The following CCDC12 variants were observed in gnomAD, a reference collection of about 807,000 sequenced individuals.
The protein encoded by CCDC12 is coiled-coil domain containing 12.
Under a neutral mutation model 25.7 loss-of-function variants are expected in CCDC12, and 28 were observed. The ratio of observed to expected loss-of-function variants is 1.09; its 90% confidence interval spans 0.81 to 1.50. The LOEUF is 1.50. Ranked by LOEUF, CCDC12 falls within the 40% of genes most tolerant of loss-of-function variation. The pLI, the probability that CCDC12 is intolerant of heterozygous loss-of-function variation, is 0.00. For missense variants in CCDC12, 198 were observed against 210.0 expected (o/e 0.94, Z 0.35); for synonymous variants, 75 against 87.7 (o/e 0.86, Z 0.81).
At chr3:46,962,777 G>A (rs2034502181) in intron 1 of CCDC12, among the ~76,000 whole-genome samples, 1 of 152,204 alleles carries the variant, frequency 6.6e-6, no homozygotes, top group Non-Finnish European at 1.5e-5. Context: ...TGGTCAGAGT[G>A]CAAAATAGTA....
chr3:46,960,741 A>G (rs139035492), intron 1 of CCDC12, among the ~76,000 whole-genome samples: 1,647 of 152,358 alleles, frequency 0.011, 28 homozygotes, highest in African/African-American at 0.036. Context: ...AGGGCCAGGC[A>G]TGACTGAGCC....
chr3:46,977,826 G>T (rs369925148), upstream of CCDC12, among the ~76,000 whole-genome samples: 5 of 152,204 alleles, frequency 3.3e-5, no homozygotes, highest in Non-Finnish European at 5.9e-5. Context: ...AAAGACTTGG[G>T]GTGGCCTCGA....
rs2032731824 is a variant in CCDC12, at chr3:46,922,570, G to A, written c.342-258C>T. 3 of 554,422 alleles carry A rather than the reference G, an allele frequency of 5.4e-6. No homozygotes were observed. In the East Asian group the frequency reaches 9.3e-5, roughly 17 times the overall value. 34.3% of individuals were successfully genotyped at this position (554,422 alleles called of 1,614,324 possible). ...CAAGGGACTGAGCTAAGGCAAAGGT[G>A]GATGGTTTCTCAGAGACCCTCTCTT... On this transcript the variant is annotated intron_variant, in intron 5 of 6. Transcript: ENST00000683445.
chr3:46,955,215 T>TC (rs1455822534), intron 1 of CCDC12, among the ~76,000 whole-genome samples: 2 of 15,140 alleles, frequency 1.3e-4, no homozygotes, highest in Non-Finnish European at 3.3e-3. Context: ...GGCAAGTCTG[T>TC]TTTTCCTGAG....
chr3:46,924,655 C>T (rs1389443676), intron 3 of CCDC12, among the ~76,000 whole-genome samples: 1 of 152,108 alleles, frequency 6.6e-6, no homozygotes, highest in Admixed American at 6.5e-5. Context: ...CAAGACCAGC[C>T]TGGCCGACAT....
intron 1 of CCDC12, among the ~76,000 whole-genome samples, chr3:46,953,539 A>G (rs750868609): frequency 3.3e-5 from 5 of 152,100 alleles, no homozygotes; most frequent in Admixed American, 1.3e-4. Flanking sequence ...CTCATACCCT[A>G]AACAGATTCT....
intron 2 of CCDC12, among the ~76,000 whole-genome samples, chr3:46,926,500 T>A (rs992135320): frequency 2.5e-4 from 38 of 152,294 alleles, no homozygotes; most frequent in African/African-American, 8.9e-4. Flanking sequence ...CCTGCCTCAG[T>A]CTTTTCAGGC....
chr3:46,938,565 A>G (rs1319544992), intron 2 of CCDC12, among the ~76,000 whole-genome samples: 1 of 122,190 alleles, frequency 8.2e-6, no homozygotes, highest in Non-Finnish European at 1.6e-5. Flanking sequence ...ATCACACATC[A>G]TTGGCCAGGT....
At chr3:46,973,294 A>G (rs2034861687) in intron 1 of CCDC12, among the ~76,000 whole-genome samples, 1 of 149,966 alleles carries the variant, frequency 6.7e-6, no homozygotes, top group Non-Finnish European at 1.5e-5. Context: ...TGGAAGTTGC[A>G]GTGAGCTGAG....
intron 2 of CCDC12, among the ~76,000 whole-genome samples, chr3:46,938,426 G>C (rs1483185133): frequency 1.3e-5 from 2 of 151,292 alleles, no homozygotes; most frequent in African/African-American, 4.9e-5. Flanking sequence ...ACACAGAAAA[G>C]TCCGGAGAAT....
Position 46,935,066 on chromosome 3 carries a change from G to A in CCDC12, c.164+5932C>T, listed in dbSNP as rs9878574. Among the ~76,000 whole-genome samples, 691 of 152,348 alleles carry A rather than the reference G, an allele frequency of 4.5e-3. 7 individuals carry two copies. Among genetic ancestry groups the A allele is most frequent in the African/African-American group, 0.015 (621 of 41,592 alleles). On this transcript the variant is annotated intron_variant, in intron 2 of 6. Transcript: ENST00000683445. ...ACTGGGCCAGGGCTGGGCCTTAGCT[G>A]GGGTGGGAAGTCTCTCCACAAGAGG...
intron 2 of CCDC12, among the ~76,000 whole-genome samples, chr3:46,926,052 G>A (rs190893881): frequency 4.0e-4 from 61 of 152,384 alleles, no homozygotes; most frequent in Admixed American, 2.3e-3. Flanking sequence ...CTGCCCTGGG[G>A]CTCATGCCAT....
intron 1 of CCDC12, among the ~76,000 whole-genome samples, chr3:46,953,706 G>A (rs2034199727): frequency 6.6e-6 from 1 of 151,566 alleles, no homozygotes; most frequent in African/African-American, 2.4e-5. Flanking sequence ...GGTTGAGCCT[G>A]CACACACCAG....
chr3:46,945,748 G>A (rs1575549695), intron 1 of CCDC12, among the ~76,000 whole-genome samples: 1 of 152,196 alleles, frequency 6.6e-6, no homozygotes, highest in East Asian at 1.9e-4. Flanking sequence ...TGTCTTTCAA[G>A]ATGTCTGTTT....
intron 1 of CCDC12, among the ~76,000 whole-genome samples, chr3:46,944,860 T>G (rs959371683): frequency 2.0e-5 from 3 of 152,150 alleles, no homozygotes; most frequent in African/African-American, 7.2e-5. Context: ...TCACTGGGTC[T>G]CCACACCCCC....
At chr3:46,969,612 A>G (rs964788809) in intron 1 of CCDC12, among the ~76,000 whole-genome samples, 2 of 151,672 alleles carry the variant, frequency 1.3e-5, no homozygotes, top group Non-Finnish European at 3.0e-5. Flanking sequence ...GGGTACATAC[A>G]CAGATGGCCC....
chr3:46,926,453 C>G (rs2032962244), intron 2 of CCDC12, among the ~76,000 whole-genome samples: 2 of 152,344 alleles, frequency 1.3e-5, no homozygotes, highest in South Asian at 4.1e-4. Flanking sequence ...AATCTCCCGG[C>G]AGGAGCTGCG....
intron 5 of CCDC12, chr3:46,923,120 G>A (rs555515226): frequency 8.9e-6 from 4 of 448,578 alleles, no homozygotes; most frequent in African/African-American, 4.1e-5. Flanking sequence ...GCTGCTCCCC[G>A]CGCCTGAGCC....
At chr3:46,965,521 C>T (rs901255830) in intron 1 of CCDC12, among the ~76,000 whole-genome samples, 8 of 152,226 alleles carry the variant, frequency 5.3e-5, no homozygotes, top group African/African-American at 1.9e-4. Flanking sequence ...CAGAGAGAGG[C>T]TCACCCTTCG....
Sources: allele counts gnomAD v4.1 joint callset (sites outside exome capture counted in the v4.1 genomes callset), GRCh38; gene constraint gnomAD v4.1.1; transcripts MANE v1.5; gene names NCBI Gene and HGNC (gene_info 2026-07-23, HGNC 2026-07-21).